Variants in MAGT1 observed in about 807,000 individuals in gnomAD.
MAGT1 encodes the protein magnesium transporter 1, also known as dolichyl-diphosphooligosaccharide--protein glycosyltransferase subunit MAGT1.
A neutral mutation model predicts 28.4 loss-of-function variants in MAGT1; 4 were observed. That is an observed-to-expected ratio of 0.14 (90% CI 0.07 to 0.32). The LOEUF (loss-of-function observed/expected upper bound fraction) is 0.32, where lower values mean the gene tolerates loss of function less well. Among genes scored for constraint, MAGT1 ranks in the 10% least tolerant of loss-of-function variants. MAGT1 has a pLI of 1.00. For synonymous variants in MAGT1, 89 were observed against 89.7 expected (o/e 0.99, Z 0.04); for missense variants, 193 against 264.5 (o/e 0.73, Z 1.88).
intron 8 of MAGT1, among the ~76,000 whole-genome samples, chrX:77,832,822 C>CAAAAA (rs72197791): frequency 0.022 from 710 of 32,202 alleles, no homozygotes; most frequent in Middle Eastern, 0.071. Context: ...GCCTCTGTCT[C>CAAAAA]AAAAAAAAAA....
intron 1 of MAGT1, 116 bp downstream of exon 1, chrX:77,895,193 T>C (rs1293681000): frequency 1.0e-5 from 8 of 795,127 alleles, no homozygotes; most frequent in East Asian, 3.4e-5. Context: ...AACCGCGTAA[T>C]TGAAGCCACC....
At chrX:77,869,276 A>G in intron 3 of MAGT1, among the ~76,000 whole-genome samples, 1 of 111,571 alleles carries the variant, frequency 9.0e-6, no homozygotes, top group East Asian at 2.8e-4. Flanking sequence ...TGGCCTCCCA[A>G]AGTGCTGGGA....
intron 7 of MAGT1, among the ~76,000 whole-genome samples, chrX:77,846,799 G>A (rs782534121): frequency 9.0e-6 from 1 of 111,588 alleles, no homozygotes; most frequent in Non-Finnish European, 1.9e-5. Flanking sequence ...TGGAAGTTTT[G>A]TTTCAGAGGA....
At chrX:77,891,820 A>G (rs1436193235) in intron 1 of MAGT1, among the ~76,000 whole-genome samples, 1 of 112,187 alleles carries the variant, frequency 8.9e-6, no homozygotes, top group Admixed American at 9.5e-5. Flanking sequence ...CAATGAAAAC[A>G]TTGTTAAAGG....
At chrX:77,863,885 G>A (rs782580519) in intron 3 of MAGT1, among the ~76,000 whole-genome samples, 1 of 111,145 alleles carries the variant, frequency 9.0e-6, no homozygotes, top group Non-Finnish European at 1.9e-5. Flanking sequence ...TTAGCCAGGC[G>A]TGGTGGCGCA....
chrX:77,830,923 T>A (rs1557213329), intron 8 of MAGT1, 28 bp from the exon 9 acceptor site: 1 of 812,005 alleles, frequency 1.2e-6, no homozygotes, highest in Non-Finnish European at 1.8e-6. Flanking sequence ...GAGAGTAAAA[T>A]GAGCAGGTTG....
chrX:77,838,456 TAAAAA>T (rs781869286), intron 8 of MAGT1, among the ~76,000 whole-genome samples: 1 of 91,960 alleles, frequency 1.1e-5, no homozygotes, highest in Non-Finnish European at 2.2e-5. Context: ...GGCCTGGCCT[TAAAAA>T]AAAAAAAAAA....
intron 7 of MAGT1, among the ~76,000 whole-genome samples, chrX:77,846,331 C>A (rs1187990450): frequency 9.0e-6 from 1 of 111,381 alleles, no homozygotes; most frequent in Non-Finnish European, 1.9e-5. Context: ...GTTAGCCATT[C>A]GTCTAACCTT....
chrX:77,875,388 T>C (rs1201590707), intron 2 of MAGT1, 40 bp downstream of exon 2: 10 of 1,176,218 alleles, frequency 8.5e-6, no homozygotes, highest in Non-Finnish European at 1.2e-5. Flanking sequence ...GTTAACGTTA[T>C]ATGAGTTATT....
chrX:77,859,581 T>C (rs967594160), intron 3 of MAGT1, among the ~76,000 whole-genome samples: 11 of 112,019 alleles, frequency 9.8e-5, no homozygotes, highest in African/African-American at 3.2e-4. Flanking sequence ...AAAATGGATA[T>C]AGTGCCCAGG....
At chrX:77,840,838 A>C (rs1446871698) in intron 8 of MAGT1, among the ~76,000 whole-genome samples, 14 of 112,163 alleles carry the variant, frequency 1.2e-4, no homozygotes, top group African/African-American at 4.5e-4. Flanking sequence ...GTGAGACCCT[A>C]TCTTAAAGAA....
chrX:77,873,606 T>C (rs1215876881), intron 2 of MAGT1, among the ~76,000 whole-genome samples: 2 of 111,856 alleles, frequency 1.8e-5, no homozygotes, highest in African/African-American at 3.2e-5. Context: ...AAGAAACCAT[T>C]GTTTGATGAA....
intron 1 of MAGT1, among the ~76,000 whole-genome samples, chrX:77,881,179 G>A (rs2149027417): frequency 9.0e-6 from 1 of 110,577 alleles, no homozygotes; most frequent in Admixed American, 9.8e-5. Flanking sequence ...ATGATTCTCA[G>A]AGCACAGAAA....
At chrX:77,843,011 AAGAG>A (rs1271551661) in intron 7 of MAGT1, among the ~76,000 whole-genome samples, 2 of 111,915 alleles carry the variant, frequency 1.8e-5, no homozygotes, top group Non-Finnish European at 3.8e-5. Context: ...TCTAGTAGAA[AAGAG>A]AGACAGATTC....
chrX:77,884,367 T>TGTC (rs2077061533), intron 1 of MAGT1, among the ~76,000 whole-genome samples: 1 of 111,688 alleles, frequency 9.0e-6, no homozygotes, highest in Non-Finnish European at 1.9e-5. Flanking sequence ...GTCTAGCGGG[T>TGTC]GTCAGGCAGT....
At chrX:77,848,288 T>G (rs781812615) in intron 7 of MAGT1, among the ~76,000 whole-genome samples, 1 of 112,251 alleles carries the variant, frequency 8.9e-6, no homozygotes, top group Admixed American at 9.5e-5. Context: ...CCTGATTAAA[T>G]GTTACTCCAG....
intron 2 of MAGT1, among the ~76,000 whole-genome samples, chrX:77,874,441 C>CA (rs2077027821): frequency 9.3e-6 from 1 of 107,232 alleles, no homozygotes; most frequent in African/African-American, 3.4e-5. Context: ...ACTAAAAATA[C>CA]AAAAATTAGC....
Position 77,853,982 on chromosome X carries a change from C to A in MAGT1, c.763-18G>T. 1.7e-6 allele frequency: 2 copies of A among 1,157,749 alleles called. No homozygotes were observed. The highest frequency in any genetic ancestry group is 2.4e-6 in the Non-Finnish European group (2 of 846,516). Reference sequence around the variant, plus strand: ...ATATAATTCTAGGAGGGAAAAAAGACAAAATGGAATCTTTAAGTATACATT... The same window carrying A: ...ATATAATTCTAGGAGGGAAAAAAGAAAAAATGGAATCTTTAAGTATACATT... On this transcript the variant is annotated intron_variant, in intron 6 of 9. Coordinates refer to ENST00000618282, the MANE Select transcript of MAGT1 (RefSeq NM_001367916.1).
chrX:77,880,977 A>C (rs2077050539), intron 1 of MAGT1, among the ~76,000 whole-genome samples: 1 of 108,022 alleles, frequency 9.3e-6, no homozygotes, highest in Non-Finnish European at 1.9e-5. Context: ...AAAAAAAAAA[A>C]AAAAGAAGGA....
Sources: allele counts gnomAD v4.1 joint callset (sites outside exome capture counted in the v4.1 genomes callset), GRCh38; gene constraint gnomAD v4.1.1; transcripts MANE v1.5; gene names NCBI Gene and HGNC (gene_info 2026-07-23, HGNC 2026-07-21).